Variants in LRRTM3 observed in about 807,000 individuals in gnomAD.
LRRTM3 encodes the protein leucine-rich repeat transmembrane neuronal protein 3.
Under a neutral mutation model 44.7 loss-of-function variants are expected in LRRTM3, and 24 were observed. The observed-to-expected ratio is 0.54, with a 90% confidence interval of 0.39 to 0.76. The LOEUF is 0.76. LRRTM3 is among the 30% of genes least tolerant of loss of function. LRRTM3 has a pLI of 0.00. For synonymous variants in LRRTM3, 277 were observed against 278.7 expected, an observed-to-expected ratio of 0.99 and a Z score of 0.06; for missense variants, 587 against 702.2, an observed-to-expected ratio of 0.84 and a Z score of 1.85.
At chr10:67,078,803 A>G (rs1856879339) in intron 2 of LRRTM3, among the ~76,000 whole-genome samples, 1 of 152,154 alleles carries the variant, frequency 6.6e-6, no homozygotes, top group Admixed American at 6.5e-5. Flanking sequence ...GATGTGAGCC[A>G]CCGCACCCGG....
At chr10:66,971,877 T>C (rs1039169553) in intron 2 of LRRTM3, among the ~76,000 whole-genome samples, 1 of 152,158 alleles carries the variant, frequency 6.6e-6, no homozygotes, top group Non-Finnish European at 1.5e-5. Flanking sequence ...AATCATTTTT[T>C]TTCAACAAGG....
intron 2 of LRRTM3, among the ~76,000 whole-genome samples, chr10:66,988,718 C>G (rs1275297482): frequency 2.0e-5 from 3 of 152,086 alleles, no homozygotes; most frequent in African/African-American, 4.8e-5. Flanking sequence ...CCTCTGAATA[C>G]TAGGAACTAA....
At chr10:66,940,492 T>A (rs1029459597) in intron 2 of LRRTM3, among the ~76,000 whole-genome samples, 1 of 152,114 alleles carries the variant, frequency 6.6e-6, no homozygotes. Flanking sequence ...TATATGTATA[T>A]TTTGCATAGA....
intron 2 of LRRTM3, among the ~76,000 whole-genome samples, chr10:66,950,208 C>T (rs1232516920): frequency 6.6e-6 from 1 of 152,048 alleles, no homozygotes; most frequent in African/African-American, 2.4e-5. Context: ...TCTGATACAA[C>T]CAAAAGCATT....
intron 2 of LRRTM3, among the ~76,000 whole-genome samples, chr10:66,946,582 T>C (rs965819346): frequency 6.6e-6 from 1 of 152,144 alleles, no homozygotes; most frequent in African/African-American, 2.4e-5. Flanking sequence ...CTGTTACCTG[T>C]AACAGCATAG....
At chr10:67,045,417 TTTGTTGTTGTTGTTTG>T (rs1354309359) in intron 2 of LRRTM3, among the ~76,000 whole-genome samples, 2 of 152,140 alleles carry the variant, frequency 1.3e-5, no homozygotes, top group Non-Finnish European at 2.9e-5. Flanking sequence ...TGTTGGTTTT[TTTGTTGTTGTTGTTTG>T]TTGTTGTTGT....
intron 2 of LRRTM3, among the ~76,000 whole-genome samples, chr10:66,993,140 T>C (rs1189968928): frequency 1.3e-5 from 2 of 152,188 alleles, no homozygotes; most frequent in South Asian, 4.1e-4. Flanking sequence ...ACTACCACAG[T>C]GCTAGCTGAC....
chr10:66,944,672 C>T (rs1848191797), intron 2 of LRRTM3, among the ~76,000 whole-genome samples: 1 of 152,144 alleles, frequency 6.6e-6, no homozygotes, highest in African/African-American at 2.4e-5. Flanking sequence ...TTGCCCAGAT[C>T]CATCAAAGGA....
intron 2 of LRRTM3, among the ~76,000 whole-genome samples, chr10:66,978,526 C>CAAAAAAAA (rs1170594360): frequency 4.7e-5 from 2 of 42,322 alleles, no homozygotes; most frequent in African/African-American, 1.0e-4. Context: ...GACTCCATCT[C>CAAAAAAAA]AAAAAAAAAA....
intron 2 of LRRTM3, among the ~76,000 whole-genome samples, chr10:67,074,342 CTTTTTT>C (rs36186252): frequency 7.3e-5 from 5 of 68,740 alleles, no homozygotes; most frequent in African/African-American, 1.4e-4. Flanking sequence ...CACTTTAACT[CTTTTTT>C]TTTTTTTTTT....
At position 67,012,813 on chromosome 10, in the gene LRRTM3, C is replaced by T. The variant is rs145022294; in HGVS notation, c.1536+84361C>T. Among the ~76,000 whole-genome samples, 1,007 of 152,044 alleles carry T rather than the reference C, an allele frequency of 6.6e-3. 13 individuals are homozygous for T. The highest frequency in any genetic ancestry group is 0.023 in the African/African-American group (971 of 41,492). ...GTGTTTGTTAAAGTTTTATTAAAAG[C>T]GATCCTAGAAAATATAACTAGAGCT... On this transcript the variant is annotated intron_variant, in intron 2 of 2. Coordinates refer to ENST00000361320, the MANE Select transcript of LRRTM3 (RefSeq NM_178011.5).
At chr10:66,953,560 T>C (rs1207253106) in intron 2 of LRRTM3, among the ~76,000 whole-genome samples, 1 of 152,192 alleles carries the variant, frequency 6.6e-6, no homozygotes, top group African/African-American at 2.4e-5. Flanking sequence ...ACACCATAGT[T>C]AGTTATGACT....
chr10:66,961,196 CT>C (rs1401881356), intron 2 of LRRTM3, among the ~76,000 whole-genome samples: 2 of 152,120 alleles, frequency 1.3e-5, no homozygotes, highest in Non-Finnish European at 2.9e-5. Flanking sequence ...TACCTGTAGT[CT>C]ATTATGACAA....
At chr10:67,012,436 T>A (rs931116376) in intron 2 of LRRTM3, 1 of 152,210 alleles carries the variant, frequency 6.6e-6, no homozygotes, top group Admixed American at 6.5e-5. Flanking sequence ...ATATAAATTG[T>A]TATAGCTCAC....
intron 2 of LRRTM3, among the ~76,000 whole-genome samples, chr10:67,035,022 T>C (rs1853958771): frequency 6.6e-6 from 1 of 152,226 alleles, no homozygotes; most frequent in African/African-American, 2.4e-5. Flanking sequence ...GAAGCCCTTA[T>C]TGAGGTCACC....
rs966160352 is a variant in LRRTM3 at position 67,013,682 on chromosome 10, T to C, written c.1537-83905T>C. ...CAGTTAAATCTGAGGAATAATTAAT[T>C]TGAAGGAAGGTAATAGGCAGGTAAA... On this transcript the variant is annotated intron_variant, in intron 2 of 2. Transcript: ENST00000361320. Among the ~76,000 whole-genome samples the C allele has an allele frequency of 6.6e-5, 10 of 152,254 alleles. No homozygotes were observed. In the East Asian group the frequency reaches 1.7e-3, roughly 26 times the overall value.
intron 2 of LRRTM3, among the ~76,000 whole-genome samples, chr10:66,942,141 C>T (rs1848031312): frequency 6.6e-6 from 1 of 152,142 alleles, no homozygotes; most frequent in Non-Finnish European, 1.5e-5. Context: ...TTTGCAGGCA[C>T]AGCAGGTGTC....
intron 2 of LRRTM3, among the ~76,000 whole-genome samples, chr10:67,039,515 GTGA>G (rs939764160): frequency 3.3e-5 from 5 of 152,034 alleles, no homozygotes; most frequent in African/African-American, 1.2e-4. Flanking sequence ...TTACCTATGG[GTGA>G]TGCATAATAA....
chr10:67,020,012 T>C (rs528270422), intron 2 of LRRTM3, among the ~76,000 whole-genome samples: 41 of 27,056 alleles, frequency 1.5e-3, no homozygotes, highest in African/African-American at 2.5e-3. Flanking sequence ...TTAATACCAA[T>C]ATCAACTGCT....
Sources: allele counts gnomAD v4.1 joint callset (sites outside exome capture counted in the v4.1 genomes callset), GRCh38; gene constraint gnomAD v4.1.1; transcripts MANE v1.5; gene names NCBI Gene and HGNC (gene_info 2026-07-23, HGNC 2026-07-21).